The following RAD51B variants were observed in gnomAD, a reference collection of about 807,000 sequenced individuals.
RAD51B encodes RAD51 paralog B.
RAD51B carries 38 observed loss-of-function variants against 42.2 expected under a neutral mutation model. That is an observed-to-expected ratio of 0.90 (90% confidence interval 0.70 to 1.18). RAD51B has a LOEUF of 1.18. Ranked by LOEUF, RAD51B falls within the 50% of genes most tolerant of loss-of-function variation. The probability of loss-of-function intolerance (pLI) is 0.00; values close to 1 mark genes in which losing one functional copy is unlikely to be tolerated. For missense variants in RAD51B, 373 were observed against 400.7 expected (o/e 0.93, Z 0.59); for synonymous variants, 154 against 145.2 (o/e 1.06, Z -0.43).
intron 7 of RAD51B, among the ~76,000 whole-genome samples, chr14:67,912,385 T>C (rs1171622048): frequency 6.6e-6 from 1 of 152,220 alleles, no homozygotes; most frequent in Non-Finnish European, 1.5e-5. Context: ...GCTAGGTATA[T>C]GAAAATATGT....
chr14:68,583,342 A>G (rs1451802151), intron 10 of RAD51B, among the ~76,000 whole-genome samples: 1 of 152,148 alleles, frequency 6.6e-6, no homozygotes, highest in African/African-American at 2.4e-5. Context: ...TGGGAGGAGA[A>G]GCTGTAAAAT....
chr14:68,059,537 T>C (rs1428970577), intron 7 of RAD51B, among the ~76,000 whole-genome samples: 1 of 152,210 alleles, frequency 6.6e-6, no homozygotes, highest in Non-Finnish European at 1.5e-5. Flanking sequence ...CCCTTTGCTT[T>C]TGTTATTTGT....
At chr14:68,478,202 A>C, downstream of RAD51B, 2 of 1,007,562 alleles carry the variant, frequency 2.0e-6, no homozygotes, top group Non-Finnish European at 2.4e-6. Context: ...AAGGGGGTCG[A>C]CTCTGTGTCA....
chr14:68,218,455 A>G (rs1036281120), intron 7 of RAD51B, among the ~76,000 whole-genome samples: 1 of 152,220 alleles, frequency 6.6e-6, no homozygotes, highest in African/African-American at 2.4e-5. Flanking sequence ...AGTATTTTTG[A>G]TACTCTGAGG....
At chr14:68,164,468 CA>C (rs148205175) in intron 7 of RAD51B, among the ~76,000 whole-genome samples, 2,378 of 152,220 alleles carry the variant, frequency 0.016, 69 homozygotes, top group African/African-American at 0.052. Context: ...CCTTAAAAAA[CA>C]AACAAGATTT....
intron 7 of RAD51B, among the ~76,000 whole-genome samples, chr14:67,932,601 C>T (rs2044780998): frequency 6.6e-6 from 1 of 152,118 alleles, no homozygotes; most frequent in Non-Finnish European, 1.5e-5. Flanking sequence ...AGCAAGTTCT[C>T]ATGTCCCTGG....
At chr14:68,315,134 A>G (rs1056852656) in intron 8 of RAD51B, among the ~76,000 whole-genome samples, 2 of 152,214 alleles carry the variant, frequency 1.3e-5, no homozygotes, top group Non-Finnish European at 2.9e-5. Context: ...CTGATCTTTT[A>G]TGTATCTAAA....
chr14:68,291,044 G>A (rs1293199209), intron 7 of RAD51B, among the ~76,000 whole-genome samples: 2 of 151,898 alleles, frequency 1.3e-5, no homozygotes, highest in Non-Finnish European at 2.9e-5. Flanking sequence ...CTGACCTCAG[G>A]CGATTCGCCC....
At chr14:67,966,812 T>G (rs1355650980) in intron 7 of RAD51B, among the ~76,000 whole-genome samples, 1 of 152,240 alleles carries the variant, frequency 6.6e-6, no homozygotes, top group African/African-American at 2.4e-5. Context: ...ATCTTTCCTA[T>G]TAGTATGTAG....
intron 10 of RAD51B, among the ~76,000 whole-genome samples, chr14:68,628,160 T>C (rs1427399593): frequency 6.6e-6 from 1 of 152,266 alleles, no homozygotes; most frequent in Non-Finnish European, 1.5e-5. Flanking sequence ...TCCCAGTCTT[T>C]CCAGTCATTG....
intron 3 of RAD51B, among the ~76,000 whole-genome samples, chr14:67,829,387 T>C (rs2040951685): frequency 6.6e-6 from 1 of 152,076 alleles, no homozygotes; most frequent in Non-Finnish European, 1.5e-5. Flanking sequence ...GGACTACAGA[T>C]GCCCACCTCC....
intron 11 of RAD51B, among the ~76,000 whole-genome samples, chr14:68,659,075 T>C (rs1230507155): frequency 1.3e-5 from 2 of 152,154 alleles, no homozygotes; most frequent in Non-Finnish European, 2.9e-5. Context: ...AGGGTGACCG[T>C]GTGGCCTGGA....
intron 5 of RAD51B, among the ~76,000 whole-genome samples, chr14:67,879,098 G>T (rs867055834): frequency 2.1e-4 from 32 of 152,328 alleles, no homozygotes; most frequent in Admixed American, 9.8e-4. Context: ...TTATTGCAAA[G>T]AATTGGCATA....
At chr14:68,518,769 T>C (rs972238336) in intron 10 of RAD51B, among the ~76,000 whole-genome samples, 1 of 152,212 alleles carries the variant, frequency 6.6e-6, no homozygotes, top group Non-Finnish European at 1.5e-5. Flanking sequence ...CCTACACTAA[T>C]TGCATTTTCT....
intron 7 of RAD51B, among the ~76,000 whole-genome samples, chr14:68,158,931 TTCTA>T (rs1442147300): frequency 6.6e-6 from 1 of 152,208 alleles, no homozygotes; most frequent in Non-Finnish European, 1.5e-5. Context: ...TGATTCTGTT[TTCTA>T]TCTTTTTATT....
rs397852024 is a variant in RAD51B, at chr14:68,632,968, CTTTTTTTTT to C, written c.1037-17790_1037-17782del. On this transcript the variant is annotated intron_variant, in intron 10 of 11. Coordinates refer to the RAD51B transcript ENST00000488612. Reference sequence around the variant, plus strand: ...TTTTTTCTTTTTTCTTTTTCTTTTTCTTTTTTTTTTTTTTTTTTTTTTTTTTTTTTTGGA... The same window carrying C: ...TTTTTTCTTTTTTCTTTTTCTTTTTCTTTTTTTTTTTTTTTTTTTTTTGGA... Among the ~76,000 whole-genome samples the C allele has an allele frequency of 1.2e-4, 7 of 59,426 alleles. No homozygotes were observed. In the East Asian group the frequency reaches 1.7e-3, roughly 14 times the overall value. The allele number at this position is 59,426 out of a possible 152,430, so 39.0% of individuals were successfully genotyped here.
intron 7 of RAD51B, among the ~76,000 whole-genome samples, chr14:68,020,144 A>T (rs1442102002): frequency 6.6e-6 from 1 of 151,974 alleles, no homozygotes; most frequent in Non-Finnish European, 1.5e-5. Context: ...GGGTCTCACT[A>T]TCTCACCTAG....
At chr14:68,448,458 A>G (rs143218017) in intron 9 of RAD51B, among the ~76,000 whole-genome samples, 2 of 152,302 alleles carry the variant, frequency 1.3e-5, no homozygotes, top group East Asian at 3.9e-4. Context: ...TGGGCCATTT[A>G]GCTTCTTATG....
chr14:68,569,282 T>A (rs1440096888), intron 10 of RAD51B, among the ~76,000 whole-genome samples: 3 of 152,146 alleles, frequency 2.0e-5, no homozygotes, highest in Non-Finnish European at 2.9e-5. Flanking sequence ...AGGAGGGTGA[T>A]CAATTGGCAA....
Sources: gnomAD v4.1 joint callset for allele counts (sites outside exome capture counted in the v4.1 genomes callset) on GRCh38, gnomAD v4.1.1 for gene constraint, MANE v1.5 for transcripts, NCBI Gene and HGNC (gene_info 2026-07-23, HGNC 2026-07-21) for gene names.